PROSER3: variants seen among roughly 807,000 people sequenced by gnomAD.
PROSER3 encodes the protein proline and serine-rich protein 3.
In PROSER3, 33 loss-of-function variants were observed where a neutral mutation model predicts 50.2. The ratio of observed to expected loss-of-function variants is 0.66; its 90% CI spans 0.50 to 0.88. PROSER3 has a LOEUF of 0.88. Ranked by LOEUF, PROSER3 falls within the 40% of genes least tolerant of loss-of-function variation. The probability of loss-of-function intolerance (pLI) is 0.00; values close to 1 mark genes in which losing one functional copy is unlikely to be tolerated. For synonymous variants in PROSER3, 266 were observed against 259.3 expected (o/e 1.03, Z -0.25); for missense variants, 623 against 612.7 (o/e 1.02, Z -0.18).
Position 35,765,861 on chromosome 19 carries a change from A to G in PROSER3, c.769+685A>G, listed in dbSNP as rs534716081. ...CCAGCTGGTTGTTGCAGTTTTGAAT[A>G]GGGAAGCCAGGGAAGGTGACCAAGA... On this transcript the variant is annotated intron_variant, in intron 7 of 10. Transcript: ENST00000396908. 1.3e-4 allele frequency among the ~76,000 whole-genome samples: 20 copies of G among 152,276 alleles called. No homozygotes were observed. In the East Asian group the frequency reaches 3.3e-3, roughly 25 times the overall value.
rs374835777 is a variant in PROSER3, at chr19:35,764,928, C to A, written c.618C>A (p.Leu206=). ...TACAGAGCAGAGCTGCCAGGCTGCT[C>A]AAACGCAGGTGCCCGCACCCCTGCC... The change falls in exon 6 of 11, where the codon CTC becomes CTA. Residue 206 remains leucine (L), a synonymous_variant. Coordinates refer to ENST00000396908, the Ensembl canonical transcript of PROSER3. 43 of 1,613,714 alleles carry A rather than the reference C, an allele frequency of 2.7e-5. No individual in the cohort carries two copies. In the African/African-American group the frequency reaches 5.6e-4, roughly 21 times the overall value.
At chr19:35,768,368 C>T (rs1368114718) in intron 10 of PROSER3, 36 bp from the exon 11 acceptor site, 3 of 1,586,570 alleles carry the variant, frequency 1.9e-6, no homozygotes, top group African/African-American at 2.7e-5. Context: ...AGCCTGAGCA[C>T]ATACCCCAGC....
At chr19:35,768,642 G>A (rs1377106997) in exon 11 of PROSER3, 3 of 1,430,248 alleles carry the variant, frequency 2.1e-6, no homozygotes, top group Non-Finnish European at 2.8e-6. Flanking sequence ...AAAGGCCAAG[G>A]GGTCATGCCA....
intron 5 of PROSER3, among the ~76,000 whole-genome samples, chr19:35,764,517 G>A (rs549420178): frequency 1.3e-5 from 2 of 152,246 alleles, no homozygotes; most frequent in South Asian, 2.1e-4. Flanking sequence ...TTAGCCGAGC[G>A]TGGTGGCGCA....
At chr19:35,758,799 C>G (rs890238929) in intron 1 of PROSER3, 1 of 153,358 alleles carries the variant, frequency 6.5e-6, no homozygotes, top group Non-Finnish European at 1.5e-5. Flanking sequence ...TCCCAGGTAG[C>G]TGGGACTACA....
chr19:35,767,329 C>T, intron 8 of PROSER3: 1 of 289,910 alleles, frequency 3.4e-6, no homozygotes, highest in South Asian at 5.5e-5. Flanking sequence ...CACATCTGGG[C>T]TCTACCCTCG....
At chr19:35,770,980 G>A (rs1458332581), downstream of PROSER3, 1 of 151,924 alleles carries the variant, frequency 6.6e-6, no homozygotes, top group African/African-American at 2.4e-5. Flanking sequence ...GAATTTCATT[G>A]TATGTAAAGT....
chr19:35,759,501 C>T, intron 2 of PROSER3, 31 bp downstream of exon 2: 1 of 1,558,364 alleles, frequency 6.4e-7, no homozygotes, highest in Non-Finnish European at 8.8e-7. Context: ...GTGCTGAGTG[C>T]CAGCCCAGTA....
chr19:35,759,419 C>T lies in PROSER3; in HGVS notation c.57C>T (p.Pro19=), dbSNP rs1970880112. ...AAGATAGTCCCTTTGGAGATGCGCCCCTGGGTCGAAGCCACTACTGGCCAT... is the reference window on the plus strand; with the variant it reads ...AAGATAGTCCCTTTGGAGATGCGCCTCTGGGTCGAAGCCACTACTGGCCAT... Residue 19 remains proline, a synonymous_variant, in exon 2 of 11, where the codon CCC becomes CCT. Coordinates refer to ENST00000396908, the Ensembl canonical transcript of PROSER3. 5 of 1,613,490 alleles carry T rather than the reference C, an allele frequency of 3.1e-6. No homozygotes were observed. In the African/African-American group the frequency reaches 5.3e-5, roughly 17 times the overall value.
chr19:35,767,157 G>C, intron 8 of PROSER3: 2 of 601,580 alleles, frequency 3.3e-6, no homozygotes, highest in Non-Finnish European at 5.4e-6. Flanking sequence ...GCCCAGCCTG[G>C]TCCACCAGAG....
chr19:35,758,333 C>A, intron 1 of PROSER3, 107 bp downstream of exon 1: 3 of 1,371,868 alleles, frequency 2.2e-6, no homozygotes, highest in Non-Finnish European at 2.9e-6. Context: ...GCTAGGGCTC[C>A]ACCGCACTGG....
At chr19:35,759,630 C>A (rs1017592979) in intron 2 of PROSER3, 159 bp from the exon 3 acceptor site, 1 of 981,036 alleles carries the variant, frequency 1.0e-6, no homozygotes, top group African/African-American at 1.6e-5. Flanking sequence ...TCTCTACCAC[C>A]TGGATTCCCC....
intron 7 of PROSER3, among the ~76,000 whole-genome samples, chr19:35,766,168 G>A (rs574566253): frequency 5.9e-5 from 9 of 152,272 alleles, no homozygotes; most frequent in African/African-American, 1.2e-4. Context: ...GGGCTGTAGC[G>A]GGTGGGGGAG....
exon 5 of PROSER3, chr19:35,762,260 C>A: frequency 6.2e-7 from 1 of 1,611,244 alleles, no homozygotes; most frequent in Non-Finnish European, 8.5e-7. Context: ...CAGCAGGAGC[C>A]AACAAACCAG....
chr19:35,762,330 G>A, exon 5 of PROSER3: 1 of 1,608,120 alleles, frequency 6.2e-7, no homozygotes, highest in Non-Finnish European at 8.5e-7. Context: ...ATCCCATGCT[G>A]TGGCTCCCCT....
intron 7 of PROSER3, among the ~76,000 whole-genome samples, 172 bp from the exon 8 acceptor site, chr19:35,766,596 C>T (rs1431665699): frequency 6.6e-6 from 1 of 152,060 alleles, no homozygotes; most frequent in Non-Finnish European, 1.5e-5. Flanking sequence ...TGCTCGCTCC[C>T]CTGACTTTGA....
chr19:35,762,269 A>C, exon 5 of PROSER3: 1 of 1,611,816 alleles, frequency 6.2e-7, no homozygotes, highest in Non-Finnish European at 8.5e-7. Context: ...CCAACAAACC[A>C]GAAGGAAGAC....
chr19:35,758,332 C>A, intron 1 of PROSER3, 106 bp downstream of exon 1: 1 of 1,371,328 alleles, frequency 7.3e-7, no homozygotes. Flanking sequence ...CGCTAGGGCT[C>A]CACCGCACTG....
At chr19:35,766,107 G>C (rs920219575) in intron 7 of PROSER3, among the ~76,000 whole-genome samples, 2 of 152,192 alleles carry the variant, frequency 1.3e-5, no homozygotes, top group African/African-American at 4.8e-5. Context: ...AGAGAGACCA[G>C]GGAGGCTATT....
Sources: gnomAD v4.1 joint callset for allele counts (sites outside exome capture counted in the v4.1 genomes callset) on GRCh38, gnomAD v4.1.1 for gene constraint, MANE v1.5 for transcripts, NCBI Gene and HGNC (gene_info 2026-07-23, HGNC 2026-07-21) for gene names.